ITGB1: variants seen among roughly 807,000 people sequenced by gnomAD.
ITGB1 encodes integrin beta-1.
ITGB1 carries 24 observed loss-of-function variants against 86.5 expected under a neutral mutation model. That is an observed-to-expected ratio of 0.28 (90% CI 0.20 to 0.39). The LOEUF (loss-of-function observed/expected upper bound fraction) is 0.39. Ranked by LOEUF, ITGB1 falls within the 10% of genes least tolerant of loss-of-function variation. The pLI, the probability that ITGB1 is intolerant of heterozygous loss-of-function variation, is 1.00. For synonymous variants in ITGB1, 323 were observed against 316.8 expected, an observed-to-expected ratio of 1.02 and a Z score of -0.21; for missense variants, 556 against 946.9, an observed-to-expected ratio of 0.59 and a Z score of 5.42.
intron 1 of ITGB1, among the ~76,000 whole-genome samples, chr10:32,948,476 TA>T (rs2095036388): frequency 6.6e-6 from 1 of 151,588 alleles, no homozygotes; most frequent in African/African-American, 2.4e-5. Context: ...CAAACAGAAA[TA>T]AGGAGGAAGC....
intron 15 of ITGB1, among the ~76,000 whole-genome samples, chr10:32,904,609 A>G (rs1232027276): frequency 3.3e-5 from 5 of 152,226 alleles, no homozygotes; most frequent in Non-Finnish European, 7.3e-5. Flanking sequence ...AAAAATTTCA[A>G]TGACATAATT....
intron 5 of ITGB1, 79 bp downstream of exon 5, chr10:32,928,015 A>G (rs1247971522): frequency 5.9e-6 from 5 of 844,570 alleles, no homozygotes; most frequent in Non-Finnish European, 9.2e-6. Flanking sequence ...GTGAGTAACA[A>G]AGGAATAAAA....
chr10:32,927,743 G>C (rs748964006), intron 5 of ITGB1, among the ~76,000 whole-genome samples: 10 of 151,244 alleles, frequency 6.6e-5, no homozygotes, highest in Non-Finnish European at 1.3e-4. Flanking sequence ...GCAGTGAGCC[G>C]AGATCACACC....
chr10:32,956,806 G>T (rs536358284), intron 1 of ITGB1, among the ~76,000 whole-genome samples: 52 of 152,276 alleles, frequency 3.4e-4, no homozygotes, highest in African/African-American at 1.2e-3. Context: ...TATCTTCCGA[G>T]ATATTTTTAA....
At chr10:32,924,303 T>C (rs535607866) in intron 6 of ITGB1, among the ~76,000 whole-genome samples, 5 of 152,328 alleles carry the variant, frequency 3.3e-5, no homozygotes, top group African/African-American at 1.2e-4. Flanking sequence ...CAGTACTGTT[T>C]ATGCACTCAT....
intron 1 of ITGB1, among the ~76,000 whole-genome samples, chr10:32,954,485 T>C (rs866487205): frequency 1.3e-5 from 2 of 152,196 alleles, no homozygotes; most frequent in Non-Finnish European, 2.9e-5. Context: ...ATTCTAGGCA[T>C]ACCTGTACCC....
chr10:32,949,704 TC>T (rs1001620978), intron 1 of ITGB1, among the ~76,000 whole-genome samples: 4 of 152,194 alleles, frequency 2.6e-5, no homozygotes, highest in African/African-American at 9.6e-5. Flanking sequence ...GTTTCCACTG[TC>T]AAAAATAGTG....
At position 32,935,824 on chromosome 10, in the gene ITGB1, T is replaced by C. The variant is rs1464487318; in HGVS notation, c.1-266A>G. 7 of 296,016 alleles carry C rather than the reference T, an allele frequency of 2.4e-5. No individual in the cohort carries two copies. The South Asian group carries it at 4.4e-4, about 18-fold the overall frequency. 18.3% of individuals were successfully genotyped at this position (296,016 alleles called of 1,614,324 possible). A position where few individuals can be genotyped will look rare whatever the true frequency, so the allele number is the denominator to read the frequency against. On this transcript the variant is annotated intron_variant, in intron 1 of 15. Transcript: ENST00000302278. The stretch of plus-strand genomic sequence containing the variant: ...CTTTCTCTAAAGCAAACCGATTATA[T>C]TTTAACATTTAATTAACAGCGCTCA...
At position 32,950,185 on chromosome 10, in the gene ITGB1, GAAGA is replaced by G. The variant is rs1203653003; in HGVS notation, c.-1+7956_-1+7959del. The stretch of plus-strand genomic sequence containing the variant: ...TTTTCTGTATCTGCTTTTAAAAGGG[GAAGA>G]AATAGGCCAATAACAGATTTTAGTA... On this transcript the variant is annotated intron_variant, in intron 1 of 15. Coordinates refer to ENST00000302278, the MANE Select transcript of ITGB1 (RefSeq NM_002211.4). 3.9e-5 allele frequency among the ~76,000 whole-genome samples: 6 copies of G among 152,206 alleles called. No individual in the cohort carries two copies. The South Asian group carries it at 8.3e-4, about 21-fold the overall frequency.
chr10:32,905,724 T>A (rs993365908), intron 15 of ITGB1, among the ~76,000 whole-genome samples: 2 of 152,198 alleles, frequency 1.3e-5, no homozygotes, highest in Admixed American at 6.5e-5. Flanking sequence ...ACTATGAAGA[T>A]TAAACACAGA....
intron 14 of ITGB1, 149 bp downstream of exon 14, chr10:32,910,074 G>A: frequency 1.6e-6 from 1 of 621,780 alleles, no homozygotes; most frequent in East Asian, 2.8e-5. Context: ...CAGTTAATTA[G>A]ATAATATTTT....
At chr10:32,957,462 T>C (rs886891892) in intron 1 of ITGB1, among the ~76,000 whole-genome samples, 9 of 152,140 alleles carry the variant, frequency 5.9e-5, no homozygotes, top group Non-Finnish European at 1.3e-4. Flanking sequence ...CCGGCGACTC[T>C]TGACGTTTAT....
chr10:32,946,321 T>C (rs2137259071), intron 1 of ITGB1, among the ~76,000 whole-genome samples: 1 of 152,314 alleles, frequency 6.6e-6, no homozygotes, highest in South Asian at 2.1e-4. Context: ...AAACAAGGTG[T>C]GCCAATAAAA....
chr10:32,917,845 T>C (rs2094936885), intron 11 of ITGB1, among the ~76,000 whole-genome samples: 1 of 152,170 alleles, frequency 6.6e-6, no homozygotes. Context: ...CATTACTGGG[T>C]ATATACCCAA....
intron 10 of ITGB1, 31 bp from the exon 11 acceptor site, chr10:32,920,115 C>A (rs201957851): frequency 1.9e-6 from 3 of 1,588,742 alleles, no homozygotes; most frequent in Middle Eastern, 3.4e-4. Context: ...TAACAACCAA[C>A]TAAACAATTT....
chr10:32,912,883 C>A (rs540501319), intron 11 of ITGB1, among the ~76,000 whole-genome samples: 2 of 152,186 alleles, frequency 1.3e-5, no homozygotes, highest in African/African-American at 4.8e-5. Context: ...TCCCTGAGCC[C>A]GAGTAGCCTA....
intron 1 of ITGB1, among the ~76,000 whole-genome samples, chr10:32,942,091 G>C (rs1312921856): frequency 6.6e-6 from 1 of 152,090 alleles, no homozygotes; most frequent in Non-Finnish European, 1.5e-5. Context: ...AAGGAGAACT[G>C]GGGGCAAACT....
At chr10:32,938,231 A>G (rs2095008877) in intron 1 of ITGB1, among the ~76,000 whole-genome samples, 1 of 152,254 alleles carries the variant, frequency 6.6e-6, no homozygotes, top group Non-Finnish European at 1.5e-5. Context: ...TAATGTTATC[A>G]CGATTCCAAA....
At chr10:32,955,854 G>A (rs1243177688) in intron 1 of ITGB1, among the ~76,000 whole-genome samples, 6 of 152,182 alleles carry the variant, frequency 3.9e-5, no homozygotes, top group Non-Finnish European at 7.3e-5. Flanking sequence ...TGCTTCTCAT[G>A]TGCAGAATGT....
Sources: allele counts gnomAD v4.1 joint callset (sites outside exome capture counted in the v4.1 genomes callset), GRCh38; gene constraint gnomAD v4.1.1; transcripts MANE v1.5; gene names NCBI Gene and HGNC (gene_info 2026-07-23, HGNC 2026-07-21).